EFHD1: variants seen among roughly 807,000 people sequenced by gnomAD.
EFHD1 encodes the protein EF-hand domain family member D1.
EFHD1 carries 10 observed loss-of-function variants against 17.2 expected under a neutral mutation model. The observed-to-expected ratio is 0.58, with a 90% CI of 0.36 to 0.99. EFHD1 has a LOEUF of 0.99. Ranked by LOEUF, EFHD1 falls within the 50% of genes least tolerant of loss-of-function variation. The pLI is 0.01. For missense variants in EFHD1, 310 were observed against 327.5 expected, an observed-to-expected ratio of 0.95 and a Z score of 0.41; for synonymous variants, 153 against 142.0, an observed-to-expected ratio of 1.08 and a Z score of -0.55.
At chr2:232,646,430 TCTC>T (rs1362197152) in intron 1 of EFHD1, among the ~76,000 whole-genome samples, 9 of 143,412 alleles carry the variant, frequency 6.3e-5, no homozygotes, top group Admixed American at 1.5e-4. Context: ...TCTCTTCTCT[TCTC>T]TTCTTTTTTT....
intron 1 of EFHD1, 91 bp from the exon 2 acceptor site, chr2:232,662,711 A>G: frequency 1.3e-6 from 2 of 1,520,514 alleles, no homozygotes; most frequent in Admixed American, 5.0e-5. Flanking sequence ...TATTTGAGTC[A>G]TTTTTCGATG....
Position 232,633,785 on chromosome 2 carries a change from TCCCCTCGGCG to T in EFHD1, c.86_95del (p.Leu29GlnfsTer24), listed in dbSNP as rs1440179104. ...CCGAGGAGAGTGGCCCCCAGCTGGC[TCCCCTCGGCG>T]CCCCAGCCCCGGAGCCCAAGCCCGA... On this transcript the variant is annotated frameshift_variant, in exon 1 of 4. Transcript: ENST00000264059. LOFTEE classifies it high-confidence loss of function. 6.9e-7 allele frequency: 1 copy of T among 1,456,878 alleles called. No individual in the cohort carries two copies. 90.2% of individuals were successfully genotyped at this position (1,456,878 alleles called of 1,614,324 possible).
At chr2:232,618,960 A>G (rs1693973997) in intron 1 of EFHD1, among the ~76,000 whole-genome samples, 1 of 152,004 alleles carries the variant, frequency 6.6e-6, no homozygotes, top group African/African-American at 2.4e-5. Flanking sequence ...CCTGACCAAC[A>G]TGGTGAAACA....
intron 2 of EFHD1, among the ~76,000 whole-genome samples, chr2:232,667,798 T>TC (rs1459057961): frequency 1.3e-5 from 2 of 152,170 alleles, no homozygotes; most frequent in Non-Finnish European, 2.9e-5. Flanking sequence ...CCTCAGGCGA[T>TC]CCACCCGCCT....
At chr2:232,616,992 G>C (rs147352948) in intron 1 of EFHD1, among the ~76,000 whole-genome samples, 1 of 152,216 alleles carries the variant, frequency 6.6e-6, no homozygotes, top group Admixed American at 6.5e-5. Flanking sequence ...ACCCTAGTGA[G>C]TAGGGCTGGA....
At chr2:232,641,717 C>A (rs1204097034) in intron 1 of EFHD1, among the ~76,000 whole-genome samples, 3 of 152,238 alleles carry the variant, frequency 2.0e-5, no homozygotes. Flanking sequence ...AGCCAGCCCC[C>A]ATGCTAGGCA....
Position 232,633,666 on chromosome 2 carries a change from C to T in EFHD1, c.-39C>T, listed in dbSNP as rs767694492. On this transcript the variant is annotated 5_prime_UTR_variant, in exon 1 of 4. Transcript: ENST00000264059. ...CGCCCGCCAGCTCCCTGCGTCCCGT[C>T]CCGCGTCCCCGCGTTCCCGCGTCCT... 2.9e-6 allele frequency: 4 copies of T among 1,392,990 alleles called. No individual in the cohort carries two copies. The highest frequency in any genetic ancestry group is 3.7e-6 in the Non-Finnish European group (4 of 1,083,898). 86.3% of individuals were successfully genotyped at this position (1,392,990 alleles called of 1,614,324 possible).
At chr2:232,628,824 T>G (rs1694151973), upstream of EFHD1, among the ~76,000 whole-genome samples, 1 of 152,190 alleles carries the variant, frequency 6.6e-6, no homozygotes, top group Admixed American at 6.5e-5. Flanking sequence ...TCCCTCCCCT[T>G]TGTCACTGGC....
At chr2:232,674,261 G>A (rs1285560007) in intron 3 of EFHD1, among the ~76,000 whole-genome samples, 3 of 152,198 alleles carry the variant, frequency 2.0e-5, no homozygotes, top group Non-Finnish European at 4.4e-5. Context: ...TAGTGATAGA[G>A]AAAAATTAGA....
Position 232,633,905 on chromosome 2 carries a change from G to GGGCGCTGCGCGGCCCC in EFHD1, c.210_225dup (p.Arg76AlafsTer33). On this transcript the variant is annotated frameshift_variant, in exon 1 of 4. Transcript: ENST00000264059. LOFTEE classifies it high-confidence loss of function. ...TGAGCCGGCGGCTGGACATCAACGAGGGCGCTGCGCGGCCCCGGCGCTGCA... is the reference window on the plus strand; with the variant it reads ...TGAGCCGGCGGCTGGACATCAACGAGGGCGCTGCGCGGCCCCGGCGCTGCGCGGCCCCGGCGCTGCA... 1 of 1,577,840 alleles carries GGGCGCTGCGCGGCCCC rather than the reference G, an allele frequency of 6.3e-7. No homozygotes were observed. Among genetic ancestry groups the GGGCGCTGCGCGGCCCC allele is most frequent in the Non-Finnish European group, 8.5e-7 (1 of 1,171,508 alleles).
In EFHD1 at chr2:232,660,446, C is replaced by T. The variant is rs187738247; in HGVS notation, c.303-2356C>T. 5.5e-3 allele frequency among the ~76,000 whole-genome samples: 840 copies of T among 151,958 alleles called. 13 individuals carry two copies. The highest frequency in any genetic ancestry group is 0.019 in the African/African-American group (799 of 41,468). Reference sequence around the variant, plus strand: ...TGTTCTCCTGACCTCGTGATCCACCCGCCTTGGCCTCCCAAAGTATTGGGA... The same window carrying T: ...TGTTCTCCTGACCTCGTGATCCACCTGCCTTGGCCTCCCAAAGTATTGGGA... On this transcript the variant is annotated intron_variant, in intron 1 of 3. Coordinates refer to ENST00000264059, the MANE Select transcript of EFHD1 (RefSeq NM_025202.4).
At chr2:232,637,921 T>C (rs558446822) in intron 1 of EFHD1, among the ~76,000 whole-genome samples, 10 of 152,154 alleles carry the variant, frequency 6.6e-5, no homozygotes, top group Admixed American at 2.6e-4. Flanking sequence ...GTGCTTGGAG[T>C]GGTGTCCTTT....
At chr2:232,674,368 G>A (rs893916890) in intron 3 of EFHD1, among the ~76,000 whole-genome samples, 6 of 152,192 alleles carry the variant, frequency 3.9e-5, no homozygotes, top group African/African-American at 9.7e-5. Flanking sequence ...ATGCAGCTGC[G>A]TGTCCGTGTG....
At chr2:232,650,685 CAGCCTCCCAAGT>C (rs537093384) in intron 1 of EFHD1, among the ~76,000 whole-genome samples, 76 of 149,800 alleles carry the variant, frequency 5.1e-4, no homozygotes, top group African/African-American at 1.8e-3. Context: ...TCTTGTGCCT[CAGCCTCCCAAGT>C]AGCTGGGATT....
intron 1 of EFHD1, among the ~76,000 whole-genome samples, chr2:232,654,081 C>T (rs918155340): frequency 1.3e-5 from 2 of 151,816 alleles, no homozygotes; most frequent in African/African-American, 2.4e-5. Flanking sequence ...GTGGTGGGCA[C>T]CTGTAATCCC....
chr2:232,638,655 G>A (rs535176602), intron 1 of EFHD1, among the ~76,000 whole-genome samples: 1 of 152,194 alleles, frequency 6.6e-6, no homozygotes, highest in African/African-American at 2.4e-5. Context: ...TGGGGAGGTG[G>A]AGGTGAGGCT....
At chr2:232,635,373 C>G (rs1375482633) in intron 1 of EFHD1, among the ~76,000 whole-genome samples, 5 of 152,208 alleles carry the variant, frequency 3.3e-5, no homozygotes, top group African/African-American at 1.2e-4. Context: ...TGTGGCCACT[C>G]AGGCTTCTTT....
intron 1 of EFHD1, among the ~76,000 whole-genome samples, chr2:232,636,133 CAGCTT>C (rs1301313417): frequency 1.3e-5 from 2 of 152,162 alleles, no homozygotes; most frequent in African/African-American, 4.8e-5. Context: ...ATGGCCACAA[CAGCTT>C]AAATTAATAA....
chr2:232,612,781 G>A (rs193184861), intron 1 of EFHD1, among the ~76,000 whole-genome samples: 1 of 147,172 alleles, frequency 6.8e-6, no homozygotes, highest in African/African-American at 2.5e-5. Context: ...TGCCCAGGCT[G>A]GAGTGCAGTG....
Sources: gnomAD v4.1 joint callset for allele counts (sites outside exome capture counted in the v4.1 genomes callset) on GRCh38, gnomAD v4.1.1 for gene constraint, MANE v1.5 for transcripts, NCBI Gene and HGNC (gene_info 2026-07-23, HGNC 2026-07-21) for gene names.